C14orf39: variants seen among roughly 807,000 people sequenced by gnomAD.
The protein encoded by C14orf39 is chromosome 14 open reading frame 39, also known as protein SIX6OS1.
A neutral mutation model predicts 85.6 loss-of-function variants in C14orf39; 66 were observed. The ratio of observed to expected loss-of-function variants is 0.77; its 90% CI spans 0.63 to 0.95. C14orf39 has a LOEUF of 0.95. Among genes scored for constraint, C14orf39 ranks in the 40% least tolerant of loss-of-function variants. The pLI, the probability that C14orf39 is intolerant of heterozygous loss-of-function variation, is 0.00. For synonymous variants in C14orf39, 242 were observed against 214.0 expected (o/e 1.13, Z -1.14); for missense variants, 735 against 663.9 (o/e 1.11, Z -1.18).
chr14:60,471,307 A>T, intron 7 of C14orf39, 110 bp downstream of exon 7: 1 of 907,614 alleles, frequency 1.1e-6, no homozygotes, highest in Non-Finnish European at 1.7e-6. Flanking sequence ...TATTTTAATT[A>T]AACACAAAAC....
chr14:60,511,914 A>G (rs544183207), intron 1 of C14orf39: 2 of 155,860 alleles, frequency 1.3e-5, no homozygotes, highest in East Asian at 1.9e-4. Flanking sequence ...TCTTACCTAT[A>G]TATCTTTTGC....
At chr14:60,479,098 A>G (rs1189203589) in intron 4 of C14orf39, among the ~76,000 whole-genome samples, 1 of 152,146 alleles carries the variant, frequency 6.6e-6, no homozygotes, top group African/African-American at 2.4e-5. Flanking sequence ...ACAGAAAAGT[A>G]TGTGTAAGAA....
intron 5 of C14orf39, among the ~76,000 whole-genome samples, chr14:60,477,476 T>C (rs1892435878): frequency 6.6e-6 from 1 of 152,198 alleles, no homozygotes; most frequent in Non-Finnish European, 1.5e-5. Context: ...TCAAAGTCTC[T>C]TGTCTTGTTT....
chr14:60,468,598 T>C, intron 8 of C14orf39, 62 bp from the exon 9 acceptor site: 2 of 901,366 alleles, frequency 2.2e-6, no homozygotes, highest in Non-Finnish European at 3.3e-6. Context: ...AAAAAAGATA[T>C]GCTTTATCTT....
At chr14:60,511,640 T>A (rs79034770) in intron 1 of C14orf39, 3 of 363,916 alleles carry the variant, frequency 8.2e-6, no homozygotes, top group South Asian at 2.4e-5. Flanking sequence ...AGTTTTTTTT[T>A]AACAAAACAT....
chr14:60,498,259 T>TA (rs1226724650), intron 2 of C14orf39, among the ~76,000 whole-genome samples: 1 of 152,252 alleles, frequency 6.6e-6, no homozygotes, highest in Admixed American at 6.5e-5. Flanking sequence ...ACTATATCAT[T>TA]AAAACTCTTG....
At position 60,483,881 on chromosome 14, in the gene C14orf39, G is replaced by GA. The variant is rs1282549141; in HGVS notation, c.107-65dup. On this transcript the variant is annotated intron_variant, in intron 3 of 17. Coordinates refer to ENST00000321731, the MANE Select transcript of C14orf39 (RefSeq NM_174978.3). ...AATAAGTTCAAAATAAACAAATAGA[G>GA]AAAAAAAATGGGTATGGCAGCTTAC... 89 of 1,144,338 alleles carry GA rather than the reference G, an allele frequency of 7.8e-5. 1 individual carries two copies. Among genetic ancestry groups the GA allele is most frequent in the Middle Eastern group, 5.4e-4 (2 of 3,714 alleles). 70.9% of individuals were successfully genotyped at this position (1,144,338 alleles called of 1,614,324 possible). A position where few individuals can be genotyped will look rare whatever the true frequency, so the allele number is the denominator to read the frequency against.
intron 11 of C14orf39, 145 bp from the exon 12 acceptor site, chr14:60,461,738 C>T: frequency 2.0e-6 from 1 of 500,480 alleles, no homozygotes; most frequent in East Asian, 3.1e-5. Flanking sequence ...CAACTACACA[C>T]ATTAACTGAA....
At chr14:60,449,253 G>A (rs765415739) in intron 16 of C14orf39, among the ~76,000 whole-genome samples, 2 of 152,042 alleles carry the variant, frequency 1.3e-5, no homozygotes, top group Admixed American at 6.5e-5. Flanking sequence ...TTCTTCCACC[G>A]TTTTCATGCT....
intron 3 of C14orf39, among the ~76,000 whole-genome samples, 181 bp from the exon 4 acceptor site, chr14:60,483,998 G>A (rs1892767485): frequency 6.6e-6 from 1 of 152,188 alleles, no homozygotes; most frequent in African/African-American, 2.4e-5. Context: ...GGCCAGGCCT[G>A]ATCCTAGAGC....
chr14:60,474,962 T>G (rs1388584374), intron 5 of C14orf39, among the ~76,000 whole-genome samples: 1 of 152,150 alleles, frequency 6.6e-6, no homozygotes, highest in Non-Finnish European at 1.5e-5. Flanking sequence ...ATTGGAAGAG[T>G]TTCAGAAGGA....
chr14:60,454,964 A>C (rs1379963356), intron 16 of C14orf39, 37 bp downstream of exon 16: 2 of 1,443,688 alleles, frequency 1.4e-6, no homozygotes, highest in Non-Finnish European at 1.8e-6. Flanking sequence ...TTCACAGCAG[A>C]ATTTTTAGAA....
rs1243740332 is a variant in C14orf39 at position 60,515,326 on chromosome 14, C to T, written c.-144+69G>A. On this transcript the variant is annotated intron_variant, in intron 1 of 5. Transcript: ENST00000556799. The surrounding 1 kb of genome is among the most constrained non-coding windows in gnomAD (Gnocchi z 6.2). The stretch of plus-strand genomic sequence containing the variant: ...GAAGGTGAGTCCTTACTCGGGGGCC[C>T]AGATCTCCCCACGGAGGCCACAGAT... 6.6e-6 allele frequency: 1 copy of T among 151,636 alleles called. No individual in the cohort carries two copies. Among genetic ancestry groups the T allele is most frequent in the Non-Finnish European group, 1.5e-5 (1 of 67,818 alleles). The allele number at this position is 151,636 out of a possible 1,614,324, so 9.4% of individuals were successfully genotyped here.
chr14:60,470,834 G>C (rs2042307878), intron 7 of C14orf39, among the ~76,000 whole-genome samples: 1 of 151,914 alleles, frequency 6.6e-6, no homozygotes, highest in Admixed American at 6.6e-5. Context: ...GGATTGTGGA[G>C]GTTGAAAGAG....
chr14:60,474,084 C>G (rs1892245217), intron 5 of C14orf39, among the ~76,000 whole-genome samples: 1 of 152,134 alleles, frequency 6.6e-6, no homozygotes, highest in South Asian at 2.1e-4. Flanking sequence ...TTTCATTGAG[C>G]AGTGGTTTGT....
chr14:60,460,822 G>C (rs1239065540), intron 13 of C14orf39, among the ~76,000 whole-genome samples: 5 of 151,438 alleles, frequency 3.3e-5, no homozygotes, highest in Admixed American at 2.6e-4. Flanking sequence ...AAAGAAAATA[G>C]TCCAAGGTAT....
intron 11 of C14orf39, among the ~76,000 whole-genome samples, 194 bp from the exon 12 acceptor site, chr14:60,461,787 CA>C (rs1047919153): frequency 2.0e-5 from 3 of 151,862 alleles, no homozygotes; most frequent in Admixed American, 1.3e-4. Context: ...TATTGAGAAA[CA>C]AAAAAGTTTA....
intron 13 of C14orf39, among the ~76,000 whole-genome samples, chr14:60,459,492 T>C (rs571097079): frequency 6.6e-6 from 1 of 151,796 alleles, no homozygotes; most frequent in South Asian, 2.1e-4. Context: ...TGGTAATTTG[T>C]CATTCTGAAT....
At chr14:60,450,397 T>C (rs1890977339) in intron 16 of C14orf39, among the ~76,000 whole-genome samples, 1 of 152,044 alleles carries the variant, frequency 6.6e-6, no homozygotes, top group Non-Finnish European at 1.5e-5. Flanking sequence ...CATGAGCTGA[T>C]GGTCGTGGGG....
Sources: gnomAD v4.1 joint callset for allele counts (sites outside exome capture counted in the v4.1 genomes callset) on GRCh38, gnomAD v4.1.1 for gene constraint, Gnocchi (gnomAD v3.1) non-coding constraint, MANE v1.5 for transcripts, NCBI Gene and HGNC (gene_info 2026-07-23, HGNC 2026-07-21) for gene names.